CSMD1: variants seen among roughly 807,000 people sequenced by gnomAD.
CSMD1 encodes CUB and Sushi multiple domains 1.
In CSMD1, 213 loss-of-function variants were observed where a neutral mutation model predicts 417.5. That is an observed-to-expected ratio of 0.51 (90% CI 0.46 to 0.57). The LOEUF is 0.57. Among genes scored for constraint, CSMD1 ranks in the 20% least tolerant of loss-of-function variants. The pLI is 0.00. For missense variants in CSMD1, 6,923 were observed against 4,529.7 expected, an observed-to-expected ratio of 1.53 and a Z score of -15.17; for synonymous variants, 2,862 against 1,736.8, an observed-to-expected ratio of 1.65 and a Z score of -16.11.
intron 1 of CSMD1, among the ~76,000 whole-genome samples, chr8:4,967,904 G>A (rs371615322): frequency 5.3e-5 from 8 of 152,266 alleles, no homozygotes; most frequent in African/African-American, 1.9e-4. Context: ...GTGTGTGGAA[G>A]CAGAACATTT....
At chr8:4,794,959 T>A (rs1255804469) in intron 1 of CSMD1, among the ~76,000 whole-genome samples, 1 of 142,938 alleles carries the variant, frequency 7.0e-6, no homozygotes, top group East Asian at 2.0e-4. Flanking sequence ...GTTTCCATGG[T>A]GGAGTAAAGC....
chr8:4,080,988 C>A (rs1226257917), intron 3 of CSMD1, among the ~76,000 whole-genome samples: 1 of 151,652 alleles, frequency 6.6e-6, no homozygotes, highest in East Asian at 1.9e-4. Flanking sequence ...CAAGAGGCTT[C>A]ACACAGTATT....
chr8:4,323,343 A>C (rs1799376230), intron 3 of CSMD1, among the ~76,000 whole-genome samples: 1 of 152,190 alleles, frequency 6.6e-6, no homozygotes, highest in African/African-American at 2.4e-5. Context: ...ATTCATGAAA[A>C]GTGAGAAATA....
At chr8:3,399,225 C>A (rs763908689) in intron 16 of CSMD1, among the ~76,000 whole-genome samples, 166 bp downstream of exon 16, 1 of 152,152 alleles carries the variant, frequency 6.6e-6, no homozygotes, top group Non-Finnish European at 1.5e-5. Flanking sequence ...GAGGATACCA[C>A]TGAAGAAGAA....
intron 2 of CSMD1, among the ~76,000 whole-genome samples, chr8:4,473,506 C>T (rs1800644116): frequency 6.6e-6 from 1 of 152,194 alleles, no homozygotes; most frequent in Non-Finnish European, 1.5e-5. Flanking sequence ...CCCCCACTCC[C>T]CTCTTGCACC....
chr8:3,257,049 C>T (rs549008995), intron 26 of CSMD1, among the ~76,000 whole-genome samples: 4 of 152,184 alleles, frequency 2.6e-5, no homozygotes, highest in Non-Finnish European at 5.9e-5. Context: ...GGGCCAGGTA[C>T]AGTGGCTCAT....
At chr8:3,626,405 A>G (rs1796496135) in intron 7 of CSMD1, among the ~76,000 whole-genome samples, 1 of 152,212 alleles carries the variant, frequency 6.6e-6, no homozygotes. Context: ...AGTTTATATT[A>G]CTTTGCATAG....
At chr8:4,329,563 A>T (rs1460700936) in intron 3 of CSMD1, among the ~76,000 whole-genome samples, 1 of 152,046 alleles carries the variant, frequency 6.6e-6, no homozygotes, top group Non-Finnish European at 1.5e-5. Context: ...GCTTGGATTA[A>T]AGGTGTGAGC....
intron 6 of CSMD1, among the ~76,000 whole-genome samples, chr8:3,736,303 G>A (rs756009216): frequency 3.3e-5 from 5 of 151,936 alleles, no homozygotes; most frequent in Admixed American, 6.6e-5. Flanking sequence ...GTGCAGTGGG[G>A]CAATCACGAC....
chr8:3,150,252 T>C lies in CSMD1; in HGVS notation c.6031+1145A>G, dbSNP rs551993482. Among the ~76,000 whole-genome samples the C allele has an allele frequency of 3.9e-5, 6 of 152,298 alleles. No individual in the cohort carries two copies. In the East Asian group the frequency reaches 7.7e-4, roughly 20 times the overall value. ...ATAATCCTTCCACAGAGTCTCTCCC[T>C]TCCTTGACCACCACCGTGGCCTCCT... On this transcript the variant is annotated intron_variant, in intron 40 of 69. Transcript: ENST00000635120.
At chr8:3,744,549 T>C (rs1206251756) in intron 6 of CSMD1, among the ~76,000 whole-genome samples, 1 of 152,210 alleles carries the variant, frequency 6.6e-6, no homozygotes, top group Non-Finnish European at 1.5e-5. Context: ...TTTATTTTCA[T>C]GTCAGACTCC....
At chr8:3,299,208 T>A (rs183798031) in intron 25 of CSMD1, among the ~76,000 whole-genome samples, 304 of 152,176 alleles carry the variant, frequency 2.0e-3, no homozygotes, top group Non-Finnish European at 3.4e-3. Flanking sequence ...TCCCAGTATT[T>A]TGGGAGGCCG....
chr8:4,853,403 T>C (rs1201471913), intron 1 of CSMD1, among the ~76,000 whole-genome samples: 4 of 152,208 alleles, frequency 2.6e-5, no homozygotes, highest in Non-Finnish European at 4.4e-5. Flanking sequence ...ACAGCTCATA[T>C]TGCTGCTTCA....
chr8:4,894,111 G>A (rs544375989), intron 1 of CSMD1, among the ~76,000 whole-genome samples: 5 of 151,944 alleles, frequency 3.3e-5, no homozygotes, highest in South Asian at 4.2e-4. Context: ...ATAGGCCTGC[G>A]CACTGTATCC....
At chr8:3,526,141 G>A (rs534465316) in intron 10 of CSMD1, among the ~76,000 whole-genome samples, 5 of 152,196 alleles carry the variant, frequency 3.3e-5, no homozygotes, top group East Asian at 1.9e-4. Context: ...ATTGAAAGTG[G>A]CAAGTTTCAA....
intron 12 of CSMD1, among the ~76,000 whole-genome samples, chr8:3,458,989 T>C (rs867508243): frequency 2.0e-5 from 3 of 152,124 alleles, no homozygotes; most frequent in Admixed American, 6.5e-5. Context: ...AAGCTGGGCC[T>C]TGGGGAAGGG....
chr8:3,258,221 G>A (rs991642954), intron 26 of CSMD1, among the ~76,000 whole-genome samples: 1 of 152,146 alleles, frequency 6.6e-6, no homozygotes, highest in African/African-American at 2.4e-5. Flanking sequence ...CTAATATCCA[G>A]CATCTATAAG....
At position 3,308,582 on chromosome 8, in the gene CSMD1, T is replaced by C. The variant is rs1460922698; in HGVS notation, c.3632-79A>G. 4 of 1,177,342 alleles carry C rather than the reference T, an allele frequency of 3.4e-6. No individual in the cohort carries two copies. The Admixed American group carries it at 6.6e-5, about 20-fold the overall frequency. 72.9% of individuals were successfully genotyped at this position (1,177,342 alleles called of 1,614,324 possible). ...TAAAACAGAGATGAAACAAACAAGG[T>C]TGCTAAATGCTCCTTGAAGGGTAGG... On this transcript the variant is annotated intron_variant, in intron 23 of 69. Coordinates refer to ENST00000635120, the MANE Select transcript of CSMD1 (RefSeq NM_033225.6).
At chr8:4,038,037 G>C (rs923369423) in intron 3 of CSMD1, among the ~76,000 whole-genome samples, 1 of 152,048 alleles carries the variant, frequency 6.6e-6, no homozygotes, top group East Asian at 1.9e-4. Context: ...GTGTAAATAA[G>C]TATCAGAGGC....
Sources: allele counts gnomAD v4.1 joint callset (sites outside exome capture counted in the v4.1 genomes callset), GRCh38; gene constraint gnomAD v4.1.1; transcripts MANE v1.5; gene names NCBI Gene and HGNC (gene_info 2026-07-23, HGNC 2026-07-21).